Variants in IPO11 observed in about 807,000 individuals in gnomAD.
IPO11 encodes the protein importin 11, also known as importin-11.
Under a neutral mutation model 143.2 loss-of-function variants are expected in IPO11, and 66 were observed. The ratio of observed to expected loss-of-function variants is 0.46; its 90% CI spans 0.38 to 0.57. IPO11 has a LOEUF of 0.57. Among genes scored for constraint, IPO11 ranks in the 20% least tolerant of loss-of-function variants. The probability of loss-of-function intolerance (pLI) is 0.00; values close to 1 mark genes in which losing one functional copy is unlikely to be tolerated. For synonymous variants in IPO11, 385 were observed against 377.8 expected, an observed-to-expected ratio of 1.02 and a Z score of -0.22; for missense variants, 1,026 against 1,141.0, an observed-to-expected ratio of 0.90 and a Z score of 1.45.
At chr5:62,482,044 C>G (rs1024287346) in intron 9 of IPO11, among the ~76,000 whole-genome samples, 3 of 152,124 alleles carry the variant, frequency 2.0e-5, no homozygotes, top group African/African-American at 7.2e-5. Flanking sequence ...AGGAATTTAT[C>G]CATTTCTTGT....
intron 10 of IPO11, 68 bp downstream of exon 10, chr5:62,483,361 C>A (rs1344275066): frequency 4.3e-6 from 4 of 934,212 alleles, no homozygotes; most frequent in Non-Finnish European, 4.7e-6. Context: ...GCTATAATTA[C>A]AAACTTTTTA....
At chr5:62,523,172 T>C (rs1742257971) in intron 20 of IPO11, among the ~76,000 whole-genome samples, 2 of 152,256 alleles carry the variant, frequency 1.3e-5, no homozygotes, top group Admixed American at 1.3e-4. Flanking sequence ...TTTTATCTCT[T>C]CTTATTCTGT....
chr5:62,483,442 T>C (rs762908186), intron 10 of IPO11, 149 bp downstream of exon 10: 1 of 572,774 alleles, frequency 1.7e-6, no homozygotes, highest in South Asian at 2.6e-5. Context: ...TTATAGGCTT[T>C]AGTATGTTTA....
At chr5:62,483,377 T>C in intron 10 of IPO11, 84 bp downstream of exon 10, 1 of 810,288 alleles carries the variant, frequency 1.2e-6, no homozygotes, top group South Asian at 2.2e-5. Context: ...TTTTAAAAAA[T>C]GTCATTTTAG....
rs80140009 is a variant in IPO11, at chr5:62,478,170, T to C, written c.828+1417T>C. Among the ~76,000 whole-genome samples, 1,202 of 152,138 alleles carry C rather than the reference T, an allele frequency of 7.9e-3. 20 individuals are homozygous for C. Among genetic ancestry groups the C allele is most frequent in the African/African-American group, 0.027 (1,138 of 41,498 alleles). On this transcript the variant is annotated intron_variant, in intron 9 of 29. Coordinates refer to ENST00000325324, the MANE Select transcript of IPO11 (RefSeq NM_016338.5). The stretch of plus-strand genomic sequence containing the variant: ...AGTGGTAGGGTTGTTTTGTTTTGTG[T>C]GTGTGTATTTTCTGAGATGGGGTCT...
At chr5:62,529,397 C>G (rs893199097) in intron 21 of IPO11, among the ~76,000 whole-genome samples, 24 of 151,976 alleles carry the variant, frequency 1.6e-4, no homozygotes, top group African/African-American at 5.1e-4. Flanking sequence ...TTAAAAGAAA[C>G]TTGATTTCCT....
intron 27 of IPO11, among the ~76,000 whole-genome samples, chr5:62,576,865 T>G (rs1744333148): frequency 6.6e-6 from 1 of 152,220 alleles, no homozygotes; most frequent in Non-Finnish European, 1.5e-5. Context: ...ACATTCTTGT[T>G]TTTGTATGGG....
At chr5:62,607,154 C>G (rs1381020997) in intron 29 of IPO11, among the ~76,000 whole-genome samples, 1 of 152,208 alleles carries the variant, frequency 6.6e-6, no homozygotes, top group African/African-American at 2.4e-5. Flanking sequence ...TTTCCCCTCC[C>G]TGCTTTCCCC....
Position 62,550,403 on chromosome 5 carries a change from G to A in IPO11, c.2287G>A (p.Gly763Ser). Residue 763 changes from glycine to serine, a missense_variant, in exon 25 of 30, where the codon GGT becomes AGT. Physicochemically the swap from Gly to Ser is moderately conservative, Grantham distance 56 (BLOSUM62 0). Transcript: ENST00000325324. ...ENALKVNPILGPQMFQPILPY... is the reference protein window; with the variant it reads ...ENALKVNPILSPQMFQPILPY... Reference sequence around the variant, plus strand: ...TGCCCTTAAAGTGAACCCAATACTAGGTCCACAAATGTTTCAACCGATTTT... The same window carrying A: ...TGCCCTTAAAGTGAACCCAATACTAAGTCCACAAATGTTTCAACCGATTTT... The A allele has an allele frequency of 6.2e-7, 1 of 1,612,512 alleles. No homozygotes were observed. The highest frequency in any genetic ancestry group is 8.5e-7 in the Non-Finnish European group (1 of 1,179,114).
chr5:62,623,691 G>C (rs1746455910), intron 29 of IPO11, among the ~76,000 whole-genome samples: 1 of 148,328 alleles, frequency 6.7e-6, no homozygotes, highest in South Asian at 2.1e-4. Flanking sequence ...TTGTTGCCCA[G>C]GCTAGAGTGC....
At chr5:62,593,657 A>G (rs1055694873) in intron 28 of IPO11, among the ~76,000 whole-genome samples, 4 of 152,228 alleles carry the variant, frequency 2.6e-5, no homozygotes, top group Admixed American at 2.0e-4. Flanking sequence ...GATCCCAGCT[A>G]AAAGGCCTAG....
At chr5:62,536,454 CATT>C (rs1424788243) in intron 22 of IPO11, among the ~76,000 whole-genome samples, 1 of 151,156 alleles carries the variant, frequency 6.6e-6, no homozygotes, top group African/African-American at 2.5e-5. Context: ...TTTATTCATT[CATT>C]GAGACAGGGT....
intron 11 of IPO11, among the ~76,000 whole-genome samples, chr5:62,484,480 G>A (rs544489507): frequency 6.6e-6 from 1 of 150,628 alleles, no homozygotes; most frequent in Non-Finnish European, 1.5e-5. Flanking sequence ...TTTCTATTTT[G>A]TGATTCATTC....
chr5:62,476,779 T>C, intron 9 of IPO11, 26 bp downstream of exon 9: 1 of 1,482,644 alleles, frequency 6.7e-7, no homozygotes, highest in Non-Finnish European at 9.1e-7. Flanking sequence ...ACTTGTTTTC[T>C]CAAATATAAT....
At chr5:62,459,573 C>T (rs1490676379) in intron 5 of IPO11, among the ~76,000 whole-genome samples, 5 of 149,452 alleles carry the variant, frequency 3.3e-5, no homozygotes, top group African/African-American at 1.2e-4. Flanking sequence ...TTTTTTGAGA[C>T]GGAGTCTTGC....
At chr5:62,459,674 C>T (rs1484909223) in intron 5 of IPO11, among the ~76,000 whole-genome samples, 1 of 152,036 alleles carries the variant, frequency 6.6e-6, no homozygotes, top group Non-Finnish European at 1.5e-5. Context: ...CCTCAGCCTC[C>T]CAAGTAGCTG....
chr5:62,439,573 G>A (rs148447290), intron 2 of IPO11, among the ~76,000 whole-genome samples: 2,237 of 150,668 alleles, frequency 0.015, 49 homozygotes, highest in African/African-American at 0.05. Context: ...AGGCGTGAGC[G>A]ACTGCGCCTG....
rs1458585477 is a variant in IPO11 at position 62,626,890 on chromosome 5, A to C, written c.2764-264A>C. 3.3e-5 allele frequency among the ~76,000 whole-genome samples: 5 copies of C among 152,166 alleles called. No individual in the cohort carries two copies. The South Asian group carries it at 1.0e-3, about 32-fold the overall frequency. ...GCTTTCTACTAGGCTTTGATGCTTT[A>C]AATGAATGAGTCCCCCAGCTCTTGA... On this transcript the variant is annotated intron_variant, in intron 29 of 29. Transcript: ENST00000325324.
intron 29 of IPO11, among the ~76,000 whole-genome samples, chr5:62,612,423 C>A (rs1387954642): frequency 6.6e-6 from 1 of 152,156 alleles, no homozygotes; most frequent in Non-Finnish European, 1.5e-5. Context: ...AAATACTACT[C>A]CATTTTCCAG....
Sources: allele counts gnomAD v4.1 joint callset (sites outside exome capture counted in the v4.1 genomes callset), GRCh38; gene constraint gnomAD v4.1.1; transcripts MANE v1.5; gene names NCBI Gene and HGNC (gene_info 2026-07-23, HGNC 2026-07-21).